DSC2: variants seen among roughly 807,000 people sequenced by gnomAD.
DSC2 encodes desmocollin-2.
Under a neutral mutation model 87.6 loss-of-function variants are expected in DSC2, and 51 were observed. That is an observed-to-expected ratio of 0.58 (90% CI 0.46 to 0.74). The LOEUF (loss-of-function observed/expected upper bound fraction) is 0.74, where lower values mean the gene tolerates loss of function less well. Among genes scored for constraint, DSC2 ranks in the 30% least tolerant of loss-of-function variants. The pLI is 0.00. For synonymous variants in DSC2, 383 were observed against 393.2 expected (o/e 0.97, Z 0.31); for missense variants, 1,066 against 1,089.5 (o/e 0.98, Z 0.30).
chr18:31,077,752 C>T (rs146362791), intron 11 of DSC2, among the ~76,000 whole-genome samples: 1 of 152,230 alleles, frequency 6.6e-6, no homozygotes, highest in Non-Finnish European at 1.5e-5. Flanking sequence ...GGTGCACTAT[C>T]CATGGTTTCA....
intron 14 of DSC2, among the ~76,000 whole-genome samples, chr18:31,070,218 C>G (rs1376736526): frequency 2.0e-5 from 3 of 152,148 alleles, no homozygotes; most frequent in Non-Finnish European, 2.9e-5. Flanking sequence ...AGCTAGAAAG[C>G]AAAGTTGGAG....
chr18:31,068,695 A>G (rs1372897938), intron 15 of DSC2, among the ~76,000 whole-genome samples, 199 bp downstream of exon 15: 1 of 152,218 alleles, frequency 6.6e-6, no homozygotes, highest in East Asian at 1.9e-4. Flanking sequence ...AATTCTTTCA[A>G]TTAAAAAAAT....
In DSC2 at chr18:31,059,932, A is replaced by G. The variant is rs1256927386; in HGVS notation, c.*8083T>C. ...GTAAGCTAGGATCTTTATGTGAATT[A>G]TATAATTTATTCCTAATTTGTCCTT... On this transcript the variant is annotated 3_prime_UTR_variant, in exon 16 of 16. Coordinates refer to ENST00000280904, the MANE Select transcript of DSC2 (RefSeq NM_024422.6). 1.3e-5 allele frequency: 2 copies of G among 152,188 alleles called. No individual in the cohort carries two copies. The highest frequency in any genetic ancestry group is 2.4e-5 in the African/African-American group (1 of 41,456). The allele number at this position is 152,188 out of a possible 1,614,324, so 9.4% of individuals were successfully genotyped here. A position where few individuals can be genotyped will look rare whatever the true frequency, so the allele number is the denominator to read the frequency against.
At chr18:31,073,043 G>A (rs980190145) in intron 12 of DSC2, among the ~76,000 whole-genome samples, 1 of 152,094 alleles carries the variant, frequency 6.6e-6, no homozygotes, top group Non-Finnish European at 1.5e-5. Flanking sequence ...AACAAACAGG[G>A]AAGAACCAGC....
Position 31,059,759 on chromosome 18 carries a change from G to T in DSC2, c.*8256C>A, listed in dbSNP as rs1420651049. ...TTAAATGTGAGATTATAATAATTTG[G>T]AAACCTATCCTAGTTTTAAAATACT... On this transcript the variant is annotated 3_prime_UTR_variant, in exon 16 of 16. Coordinates refer to ENST00000280904, the MANE Select transcript of DSC2 (RefSeq NM_024422.6). The T allele has an allele frequency of 1.3e-5, 2 of 152,046 alleles. No individual in the cohort carries two copies. The highest frequency in any genetic ancestry group is 2.9e-5 in the Non-Finnish European group (2 of 68,000). 9.4% of individuals were successfully genotyped at this position (152,046 alleles called of 1,614,324 possible).
In DSC2 at chr18:31,070,848, T is replaced by A. The variant is rs780367614; in HGVS notation, c.2128A>T (p.Ile710Phe). ...GCCCCACAGACCAGCGTAAACAGGA[T>A]GCCTGGAGGAAGAAAGAAATATACT... ...ILLGIALLFC[I>F]LFTLVCGASG... Residue 710 changes from isoleucine to phenylalanine, a missense_variant and splice_region_variant, in exon 14 of 16, where the codon ATC (isoleucine) becomes TTC (phenylalanine). Ile to Phe is a conservative substitution (Grantham distance 21). Coordinates refer to ENST00000280904, the MANE Select transcript of DSC2 (RefSeq NM_024422.6). 1.2e-6 allele frequency: 2 copies of A among 1,613,754 alleles called. No homozygotes were observed. Among genetic ancestry groups the A allele is most frequent in the Non-Finnish European group, 1.7e-6 (2 of 1,179,790 alleles).
intron 11 of DSC2, among the ~76,000 whole-genome samples, chr18:31,076,119 A>C (rs188950964): frequency 6.6e-6 from 1 of 152,290 alleles, no homozygotes; most frequent in Non-Finnish European, 1.5e-5. Context: ...TGTGCCATCC[A>C]CTGCCTGGGG....
chr18:31,073,265 A>G (rs1195340368), intron 12 of DSC2, among the ~76,000 whole-genome samples: 1 of 152,090 alleles, frequency 6.6e-6, no homozygotes. Context: ...ACACTATTTA[A>G]AAATTAATAT....
intron 7 of DSC2, among the ~76,000 whole-genome samples, chr18:31,084,036 C>T (rs925520752): frequency 6.6e-6 from 1 of 152,102 alleles, no homozygotes; most frequent in Non-Finnish European, 1.5e-5. Flanking sequence ...ACCTTTCCTA[C>T]CTAATTTATC....
At chr18:31,085,293 C>T (rs534864918) in intron 7 of DSC2, among the ~76,000 whole-genome samples, 4 of 151,858 alleles carry the variant, frequency 2.6e-5, no homozygotes, top group Non-Finnish European at 5.9e-5. Flanking sequence ...CTGTCTTAAG[C>T]AAAATACTAA....
intron 4 of DSC2, 150 bp downstream of exon 4, chr18:31,090,878 T>C (rs1263401619): frequency 2.5e-6 from 3 of 1,184,344 alleles, no homozygotes; most frequent in East Asian, 5.1e-5. Flanking sequence ...TAAAGAGATA[T>C]ATTTATACCC....
In DSC2 at chr18:31,086,621, T is replaced by C. The variant is rs751475803; in HGVS notation, c.897A>G (p.Pro299=). 2 of 1,614,188 alleles carry C rather than the reference T, an allele frequency of 1.2e-6. No individual in the cohort carries two copies. The highest frequency in any genetic ancestry group is 1.1e-5 in the South Asian group (1 of 91,092). Residue 299 remains proline, a synonymous_variant, in exon 7 of 16, where the codon CCA becomes CCG. Coordinates refer to ENST00000280904, the MANE Select transcript of DSC2 (RefSeq NM_024422.6). The stretch of plus-strand genomic sequence containing the variant: ...ATGTTGTGGTGATCACGCCTGTAGT[T>C]GGATGCATAGAAAATAGGGTGGGTG... ...PPSPTLFSMH[P]TTGVITTTSS... is the part of the protein sequence containing the mutation.
intron 5 of DSC2, among the ~76,000 whole-genome samples, chr18:31,088,478 G>C (rs1467595445): frequency 6.6e-6 from 1 of 152,074 alleles, no homozygotes; most frequent in Non-Finnish European, 1.5e-5. Context: ...CAGAAGGCCA[G>C]GCCATGGCAA....
At chr18:31,085,454 AATTT>A (rs905051561) in intron 7 of DSC2, among the ~76,000 whole-genome samples, 90 of 151,490 alleles carry the variant, frequency 5.9e-4, no homozygotes, top group African/African-American at 2.0e-3. Context: ...ACATGTAATT[AATTT>A]ATTATTTTTA....
rs935047679 is a variant in DSC2, at chr18:31,060,724, ATTT to A, written c.*7288_*7290del. 6 of 152,326 alleles carry A rather than the reference ATTT, an allele frequency of 3.9e-5. No individual in the cohort carries two copies. Among genetic ancestry groups the A allele is most frequent in the African/African-American group, 1.4e-4 (6 of 41,576 alleles). The allele number at this position is 152,326 out of a possible 1,614,324, so 9.4% of individuals were successfully genotyped here. On this transcript the variant is annotated 3_prime_UTR_variant, in exon 16 of 16. Transcript: ENST00000280904. ...AGCATTTATGTGGCAAAACTTGTTA[ATTT>A]TTATTAAATGTTTTCTGTGTGGCTT...
chr18:31,094,539 A>G (rs1163968817), intron 1 of DSC2, among the ~76,000 whole-genome samples: 2 of 152,204 alleles, frequency 1.3e-5, no homozygotes, highest in South Asian at 2.1e-4. Flanking sequence ...TTTACAATGG[A>G]TGTTTCTCAA....
chr18:31,069,052 T>C lies in DSC2; in HGVS notation c.2350A>G (p.Ile784Val). 3 of 1,614,146 alleles carry C rather than the reference T, an allele frequency of 1.9e-6. No homozygotes were observed. The highest frequency in any genetic ancestry group is 2.5e-6 in the Non-Finnish European group (3 of 1,180,012). ...TGGTGTCCTCCTTTCACCATTTCGA[T>C]GGTCTCCTGACCTCCGTTTTTGATT... ...SGIKNGGQET[I>V]EMVKGGHQTS... Residue 784 changes from isoleucine to valine, a missense_variant, in exon 15 of 16, where the codon ATC (isoleucine) becomes GTC (valine). Ile to Val is a conservative substitution (Grantham distance 29, BLOSUM62 3). Transcript: ENST00000280904.
At position 31,062,072 on chromosome 18, in the gene DSC2, C is replaced by A. The variant is rs1411424875; in HGVS notation, c.*5943G>T. The A allele has an allele frequency of 6.6e-6, 1 of 152,206 alleles. No individual in the cohort carries two copies. The highest frequency in any genetic ancestry group is 6.6e-5 in the Admixed American group (1 of 15,266). The allele number at this position is 152,206 out of a possible 1,614,324, so 9.4% of individuals were successfully genotyped here. On this transcript the variant is annotated 3_prime_UTR_variant, in exon 16 of 16. Coordinates refer to ENST00000280904, the MANE Select transcript of DSC2 (RefSeq NM_024422.6). ...TTATCAGTTCACAGCACAATATAGG[C>A]ATTGCCTCTGAGGCTCATTGCTATG... is the stretch of plus-strand genomic sequence containing the variant.
Position 31,060,354 on chromosome 18 carries a change from A to T in DSC2, c.*7661T>A, listed in dbSNP as rs1021614345. The T allele has an allele frequency of 6.6e-6, 1 of 151,962 alleles. No homozygotes were observed. Among genetic ancestry groups the T allele is most frequent in the Non-Finnish European group, 1.5e-5 (1 of 68,022 alleles). The allele number at this position is 151,962 out of a possible 1,614,324, so 9.4% of individuals were successfully genotyped here. On this transcript the variant is annotated 3_prime_UTR_variant, in exon 16 of 16. Transcript: ENST00000280904. ...TGGCTTTCTGAGCCTCTCATTCCCTATTGGTTAACTCATGTCCTTGGTGCC... is the reference window on the plus strand; with the variant it reads ...TGGCTTTCTGAGCCTCTCATTCCCTTTTGGTTAACTCATGTCCTTGGTGCC...
Sources: gnomAD v4.1 joint callset for allele counts (sites outside exome capture counted in the v4.1 genomes callset) on GRCh38, gnomAD v4.1.1 for gene constraint, MANE v1.5 for transcripts, NCBI Gene and HGNC (gene_info 2026-07-23, HGNC 2026-07-21) for gene names.